The following CDK6 variants were observed in gnomAD, a reference collection of about 807,000 sequenced individuals.
CDK6 encodes the protein cyclin dependent kinase 6, also known as cyclin-dependent kinase 6.
CDK6 carries 6 observed loss-of-function variants against 37.1 expected under a neutral mutation model. That is an observed-to-expected ratio of 0.16 (90% confidence interval 0.09 to 0.32). The LOEUF (loss-of-function observed/expected upper bound fraction) is 0.32. Among genes scored for constraint, CDK6 ranks in the 10% least tolerant of loss-of-function variants. The pLI, the probability that CDK6 is intolerant of heterozygous loss-of-function variation, is 1.00. For missense variants in CDK6, 224 were observed against 418.9 expected, an observed-to-expected ratio of 0.53 and a Z score of 4.06; for synonymous variants, 160 against 161.3, an observed-to-expected ratio of 0.99 and a Z score of 0.06.
rs536713434 is a variant in CDK6 at position 92,667,825 on chromosome 7, T to C, written c.647+3601A>G. ...CTTCAGCCTCCCAAAGTGCTGGCAT[T>C]ACAGGCGTGAGCCACTGCACCCGGC... is the stretch of plus-strand genomic sequence containing the variant. On this transcript the variant is annotated intron_variant, in intron 5 of 7. Transcript: ENST00000424848. Among the ~76,000 whole-genome samples, 3 of 152,214 alleles carry C rather than the reference T, an allele frequency of 2.0e-5. No homozygotes were observed. In the East Asian group the frequency reaches 5.8e-4, roughly 29 times the overall value.
chr7:92,700,997 G>T (rs1241215315), intron 4 of CDK6, among the ~76,000 whole-genome samples: 1 of 152,226 alleles, frequency 6.6e-6, no homozygotes, highest in African/African-American at 2.4e-5. Context: ...GAAGAAAAGA[G>T]GCAGACGACA....
intron 4 of CDK6, among the ~76,000 whole-genome samples, chr7:92,692,436 G>C (rs887067290): frequency 6.6e-6 from 1 of 152,100 alleles, no homozygotes; most frequent in Non-Finnish European, 1.5e-5. Context: ...ACCAATCACA[G>C]TACCTTGCTG....
intron 7 of CDK6, among the ~76,000 whole-genome samples, chr7:92,615,488 C>A (rs1795656908): frequency 6.6e-6 from 1 of 152,108 alleles, no homozygotes; most frequent in South Asian, 2.1e-4. Flanking sequence ...GGAGAAGACC[C>A]TTTTGGGTGC....
At chr7:92,624,299 T>C (rs1795875453) in intron 5 of CDK6, among the ~76,000 whole-genome samples, 1 of 152,172 alleles carries the variant, frequency 6.6e-6, no homozygotes, top group Admixed American at 6.6e-5. Context: ...TATTTGGAGA[T>C]AGAGCCTTTA....
chr7:92,796,427 CATAGA>C (rs1800414769), intron 2 of CDK6, among the ~76,000 whole-genome samples: 1 of 152,034 alleles, frequency 6.6e-6, no homozygotes, highest in Admixed American at 6.6e-5. Flanking sequence ...AAATCATTCT[CATAGA>C]ATAATTTGAG....
chr7:92,644,286 T>C (rs1334988694), intron 5 of CDK6, among the ~76,000 whole-genome samples: 2 of 152,212 alleles, frequency 1.3e-5, no homozygotes, highest in African/African-American at 4.8e-5. Context: ...GCATTTTCTC[T>C]GGGAGAACAG....
chr7:92,718,037 T>C (rs1798273368), intron 4 of CDK6, among the ~76,000 whole-genome samples: 1 of 152,192 alleles, frequency 6.6e-6, no homozygotes, highest in Non-Finnish European at 1.5e-5. Context: ...GCATTTTCCA[T>C]GTACCCAGCC....
At chr7:92,682,436 C>A (rs1797359425) in intron 4 of CDK6, among the ~76,000 whole-genome samples, 1 of 152,162 alleles carries the variant, frequency 6.6e-6, no homozygotes, top group Non-Finnish European at 1.5e-5. Context: ...CTTCACAACC[C>A]CATTCTTAAT....
intron 2 of CDK6, among the ~76,000 whole-genome samples, chr7:92,794,569 T>C (rs1800360039): frequency 6.6e-6 from 1 of 152,048 alleles, no homozygotes; most frequent in African/African-American, 2.4e-5. Context: ...CCTAGAAAGC[T>C]CTCTTTTTCT....
At chr7:92,662,578 A>G (rs1796864112) in intron 5 of CDK6, among the ~76,000 whole-genome samples, 2 of 152,216 alleles carry the variant, frequency 1.3e-5, no homozygotes, top group Admixed American at 1.3e-4. Context: ...AGAAGAAAAC[A>G]TTAATTCTCA....
intron 3 of CDK6, among the ~76,000 whole-genome samples, chr7:92,757,462 T>C (rs970894257): frequency 7.2e-5 from 11 of 152,240 alleles, no homozygotes; most frequent in Non-Finnish European, 1.5e-5. Context: ...GTTCTATCCA[T>C]GTTCCTGCAA....
chr7:92,682,651 A>C (rs1797363421), intron 4 of CDK6, among the ~76,000 whole-genome samples: 1 of 152,172 alleles, frequency 6.6e-6, no homozygotes, highest in South Asian at 2.1e-4. Flanking sequence ...TGTTCCAACA[A>C]ATGTATGGGT....
At chr7:92,757,915 G>C (rs943812280) in intron 3 of CDK6, among the ~76,000 whole-genome samples, 1 of 152,158 alleles carries the variant, frequency 6.6e-6, no homozygotes, top group Non-Finnish European at 1.5e-5. Context: ...GTGATATTAA[G>C]CTTTTTTTAA....
In CDK6 at chr7:92,833,722, G is replaced by A. The variant is rs1168935310; in HGVS notation, c.-367-32C>T. On this transcript the variant is annotated intron_variant, in intron 1 of 7. Coordinates refer to ENST00000424848, the MANE Select transcript of CDK6 (RefSeq NM_001145306.2). The surrounding 1 kb of genome is among the most constrained non-coding windows in gnomAD (Gnocchi z 6.1). ...GAGGAGACGGGAGGATAAGAAGAAA[G>A]TGCAATCAGACAGCCCAGAAGCCTT... is the stretch of plus-strand genomic sequence containing the variant. 6 of 431,544 alleles carry A rather than the reference G, an allele frequency of 1.4e-5. No homozygotes were observed. Among genetic ancestry groups the A allele is most frequent in the Non-Finnish European group, 2.4e-5 (6 of 248,070 alleles). 26.7% of individuals were successfully genotyped at this position (431,544 alleles called of 1,614,324 possible). A position where few individuals can be genotyped will look rare whatever the true frequency, so the allele number is the denominator to read the frequency against.
At chr7:92,830,456 C>T (rs1442643664) in intron 2 of CDK6, among the ~76,000 whole-genome samples, 2 of 152,144 alleles carry the variant, frequency 1.3e-5, no homozygotes, top group Admixed American at 6.5e-5. Context: ...AAAGCATCTG[C>T]CCTTTTAAGA....
intron 4 of CDK6, among the ~76,000 whole-genome samples, chr7:92,673,701 G>A (rs1398060189): frequency 1.3e-5 from 2 of 152,012 alleles, no homozygotes; most frequent in African/African-American, 4.8e-5. Flanking sequence ...AGGTGTATAG[G>A]TCTTATCTTG....
intron 5 of CDK6, among the ~76,000 whole-genome samples, chr7:92,628,877 A>G (rs1259304144): frequency 6.6e-6 from 1 of 152,144 alleles, no homozygotes; most frequent in East Asian, 1.9e-4. Context: ...CAAGCAGGAT[A>G]GGAACTTTGC....
intron 4 of CDK6, among the ~76,000 whole-genome samples, chr7:92,716,719 G>C (rs1208570507): frequency 6.6e-6 from 1 of 152,124 alleles, no homozygotes; most frequent in Admixed American, 6.6e-5. Context: ...TTATTGAAAT[G>C]TTGCTTTATA....
At chr7:92,718,572 C>A (rs1417469766) in intron 4 of CDK6, among the ~76,000 whole-genome samples, 1 of 152,132 alleles carries the variant, frequency 6.6e-6, no homozygotes, top group Non-Finnish European at 1.5e-5. Context: ...AACTGGGTGC[C>A]GTGGAATGAG....
Sources: allele counts gnomAD v4.1 joint callset (sites outside exome capture counted in the v4.1 genomes callset), GRCh38; gene constraint gnomAD v4.1.1; non-coding constraint Gnocchi (gnomAD v3.1); transcripts MANE v1.5; gene names NCBI Gene and HGNC (gene_info 2026-07-23, HGNC 2026-07-21).